Variants in ACSL5 observed in about 807,000 individuals in gnomAD.
The protein encoded by ACSL5 is acyl-CoA synthetase long chain family member 5, also known as long-chain-fatty-acid--CoA ligase 5.
ACSL5 carries 50 observed loss-of-function variants against 84.9 expected under a neutral mutation model. The ratio of observed to expected loss-of-function variants is 0.59; its 90% CI spans 0.47 to 0.75. ACSL5 has a LOEUF of 0.75. Ranked by LOEUF, ACSL5 falls within the 30% of genes least tolerant of loss-of-function variation. The pLI is 0.00. For missense variants in ACSL5, 775 were observed against 830.4 expected, an observed-to-expected ratio of 0.93 and a Z score of 0.82; for synonymous variants, 280 against 300.7, an observed-to-expected ratio of 0.93 and a Z score of 0.71.
At chr10:112,418,466 C>T (rs1057151774) in intron 14 of ACSL5, among the ~76,000 whole-genome samples, 1 of 152,056 alleles carries the variant, frequency 6.6e-6, no homozygotes, top group East Asian at 1.9e-4. Context: ...CCTGTAGTCC[C>T]AGCTACTCGG....
At chr10:112,417,699 T>C (rs1353103520) in intron 13 of ACSL5, 147 bp from the exon 14 acceptor site, 2 of 687,004 alleles carry the variant, frequency 2.9e-6, no homozygotes, top group East Asian at 2.6e-5. Flanking sequence ...CCAGACTGTA[T>C]TCTAAGTGCT....
intron 14 of ACSL5, 27 bp downstream of exon 14, chr10:112,417,968 A>G (rs1034700301): frequency 6.5e-7 from 1 of 1,537,636 alleles, no homozygotes; most frequent in South Asian, 1.2e-5. Context: ...CTTTGAGAAT[A>G]GGCTATTTTA....
At chr10:112,410,392 A>T in intron 7 of ACSL5, 71 bp from the exon 8 acceptor site, 1 of 1,609,572 alleles carries the variant, frequency 6.2e-7, no homozygotes, top group Non-Finnish European at 8.5e-7. Flanking sequence ...AAAGGGAGGG[A>T]GAGGGCCACA....
rs551888744 is a variant in ACSL5 at position 112,394,095 on chromosome 10, T to C, written c.-29-823T>C. ...GACCTACCCTAAAGTTAGTCTCTCC[T>C]ATTAGAGTAGTTTGAAGCTGAACTT... On this transcript the variant is annotated intron_variant, in intron 1 of 20. Transcript: ENST00000354655. 4.6e-5 allele frequency among the ~76,000 whole-genome samples: 7 copies of C among 152,338 alleles called. No individual in the cohort carries two copies. The South Asian group carries it at 1.4e-3, about 32-fold the overall frequency.
At chr10:112,384,389 T>C (rs1039314259) in intron 1 of ACSL5, among the ~76,000 whole-genome samples, 3 of 152,224 alleles carry the variant, frequency 2.0e-5, no homozygotes, top group Non-Finnish European at 2.9e-5. Flanking sequence ...ATGCAACATA[T>C]ACAGCCAAGC....
chr10:112,376,872 G>A (rs777665262), intron 1 of ACSL5, among the ~76,000 whole-genome samples: 14 of 152,022 alleles, frequency 9.2e-5, no homozygotes, highest in Admixed American at 3.3e-4. Context: ...TAGGAAGTAA[G>A]GCCACAGGTT....
intron 1 of ACSL5, chr10:112,375,294 T>G (rs1276011619): frequency 6.6e-6 from 1 of 152,106 alleles, no homozygotes. Flanking sequence ...CAGGCCCCAC[T>G]TCGTCTCCCA....
In ACSL5 at chr10:112,398,981, G is replaced by T. The variant is rs753218813; in HGVS notation, c.237G>T (p.Glu79Asp). ...TCTCAGATGCCAAGACTATGTATGA[G>T]GTTTTCCAAAGAGGACTCGCTGTGT... Reference protein sequence around the residue: ...CCFSDAKTMYEVFQRGLAVSD... With the variant: ...CCFSDAKTMYDVFQRGLAVSD... The change falls in exon 3 of 21, where the codon GAG becomes GAT. Residue 79 changes from glutamate (E) to aspartate (D), a missense_variant. Glu to Asp is a conservative substitution (Grantham distance 45). Transcript: ENST00000354655. 1 of 1,614,044 alleles carries T rather than the reference G, an allele frequency of 6.2e-7. No homozygotes were observed. Among genetic ancestry groups the T allele is most frequent in the South Asian group, 1.1e-5 (1 of 91,070 alleles).
intron 18 of ACSL5, 114 bp downstream of exon 18, chr10:112,425,595 T>TA (rs71489969): frequency 0.077 from 41,248 of 534,128 alleles, 185 homozygotes; most frequent in East Asian, 0.11. Flanking sequence ...CTTATAAAAC[T>TA]AAAAAAAAAA....
chr10:112,417,867 C>A lies in ACSL5; in HGVS notation c.1240C>A (p.Arg414Ser). The A allele has an allele frequency of 3.1e-6, 5 of 1,613,940 alleles. No individual in the cohort carries two copies. Among genetic ancestry groups the A allele is most frequent in the Non-Finnish European group, 3.4e-6 (4 of 1,179,922 alleles). Residue 414 changes from arginine (R) to serine (S), a missense_variant, in exon 14 of 21, where the codon CGT becomes AGT. By Grantham distance (110) the Arg-to-Ser change is moderately radical. Transcript: ENST00000354655. ...ACAGGACAGCCTGGGCGGAAGGGTTCGTGTAATTGTCACTGGAGCTGCCCC... is the reference window on the plus strand; with the variant it reads ...ACAGGACAGCCTGGGCGGAAGGGTTAGTGTAATTGTCACTGGAGCTGCCCC... ...KIQDSLGGRV[R>S]VIVTGAAPMS...
chr10:112,405,603 G>A (rs1844015795), intron 5 of ACSL5, among the ~76,000 whole-genome samples: 1 of 151,934 alleles, frequency 6.6e-6, no homozygotes, highest in East Asian at 1.9e-4. Context: ...AATAGAAAAA[G>A]GTTCCCTTGA....
chr10:112,376,632 AGGAGGAGCAACGG>A (rs1191041682), intron 1 of ACSL5, among the ~76,000 whole-genome samples: 1 of 152,050 alleles, frequency 6.6e-6, no homozygotes, highest in Non-Finnish European at 1.5e-5. Flanking sequence ...ACCCTGTGTC[AGGAGGAGCAACGG>A]GAAGGAAGGA....
chr10:112,385,465 A>G (rs929800140), intron 1 of ACSL5, among the ~76,000 whole-genome samples: 12 of 152,256 alleles, frequency 7.9e-5, no homozygotes, highest in Admixed American at 7.9e-4. Flanking sequence ...TTTAAGAGAC[A>G]GCGTCAAATG....
At chr10:112,376,795 G>A (rs1849249756) in intron 1 of ACSL5, among the ~76,000 whole-genome samples, 1 of 152,106 alleles carries the variant, frequency 6.6e-6, no homozygotes, top group Non-Finnish European at 1.5e-5. Context: ...TCAATTTTAT[G>A]TTGGGTAAGA....
intron 7 of ACSL5, chr10:112,410,188 G>A: frequency 6.9e-7 from 1 of 1,455,904 alleles, no homozygotes; most frequent in Non-Finnish European, 9.1e-7. Context: ...AAAAGATTTA[G>A]TTAGGGCCCT....
chr10:112,376,026 T>A (rs1468520016), intron 1 of ACSL5, among the ~76,000 whole-genome samples: 1 of 152,172 alleles, frequency 6.6e-6, no homozygotes, highest in East Asian at 1.9e-4. Flanking sequence ...TTCATCTTAG[T>A]TGAAAGATGA....
At chr10:112,376,470 T>C (rs1589665866) in intron 1 of ACSL5, 1 of 1,612,398 alleles carries the variant, frequency 6.2e-7, no homozygotes, top group Non-Finnish European at 8.5e-7. Context: ...ATCGAGGGGG[T>C]GTTATTCAGC....
rs1205304822 is a variant in ACSL5 at position 112,404,714 on chromosome 10, AG to A, written c.341del (p.Arg114LysfsTer45). ...RWLSYKQVSDRAEYLGSCLLH... is the reference protein window; with the variant it reads ...RWLSYKQVSDXAEYLGSCLLH... ...TCTCTCTTTTTTGTAGGTGTCTGAT[AG>A]AGCAGAGTACCTGGGTTCCTGTCTC... On this transcript the variant is annotated frameshift_variant, in exon 5 of 21. Transcript: ENST00000354655. LOFTEE classifies it high-confidence loss of function. The A allele has an allele frequency of 6.2e-7, 1 of 1,613,864 alleles. No homozygotes were observed. Among genetic ancestry groups the A allele is most frequent in the East Asian group, 2.2e-5 (1 of 44,874 alleles).
chr10:112,394,607 C>A, intron 1 of ACSL5: 2 of 465,842 alleles, frequency 4.3e-6, no homozygotes, highest in Non-Finnish European at 5.6e-6. Context: ...TGTGCACCAA[C>A]ATTAAAAAGG....
Sources: gnomAD v4.1 joint callset for allele counts (sites outside exome capture counted in the v4.1 genomes callset) on GRCh38, gnomAD v4.1.1 for gene constraint, MANE v1.5 for transcripts, NCBI Gene and HGNC (gene_info 2026-07-23, HGNC 2026-07-21) for gene names.